RAB2B: variants seen among roughly 807,000 people sequenced by gnomAD.
RAB2B encodes the protein RAB2B, member RAS oncogene family.
RAB2B carries 20 observed loss-of-function variants against 29.8 expected under a neutral mutation model. That is an observed-to-expected ratio of 0.67 (90% CI 0.47 to 0.97). The LOEUF (loss-of-function observed/expected upper bound fraction) is 0.97, where lower values mean the gene tolerates loss of function less well. Among genes scored for constraint, RAB2B ranks in the 50% least tolerant of loss-of-function variants. RAB2B has a pLI of 0.00. For missense variants in RAB2B, 218 were observed against 272.0 expected (o/e 0.80, Z 1.40); for synonymous variants, 93 against 91.7 (o/e 1.01, Z -0.08).
chr14:21,471,706 C>T lies in RAB2B; in HGVS notation c.187-2954G>A, dbSNP rs1487266555. Among the ~76,000 whole-genome samples, 6 of 143,042 alleles carry T rather than the reference C, an allele frequency of 4.2e-5. 1 individual carries two copies. The highest frequency in any genetic ancestry group is 7.5e-5 in the Non-Finnish European group (5 of 66,302). 93.8% of individuals were successfully genotyped at this position (143,042 alleles called of 152,430 possible). On this transcript the variant is annotated intron_variant, in intron 3 of 7. Transcript: ENST00000397762. ...CTTTTTTTTTTTTGAGAGGGAGTCT[C>T]GCTCTGTTGCCCAGGCTGGAGTGCA...
At position 21,460,559 on chromosome 14, in the gene RAB2B, T is replaced by G. The variant is rs186590634; in HGVS notation, c.*637A>C. The G allele has an allele frequency of 2.1e-3, 242 of 117,706 alleles. No individual in the cohort carries two copies. The highest frequency in any genetic ancestry group is 3.2e-3 in the Non-Finnish European group (200 of 62,546). 7.3% of individuals were successfully genotyped at this position (117,706 alleles called of 1,614,324 possible). A position where few individuals can be genotyped will look rare whatever the true frequency, so the allele number is the denominator to read the frequency against. On this transcript the variant is annotated 3_prime_UTR_variant, in exon 8 of 8. Transcript: ENST00000397762. ...AAGATCATGCCACTGCACTCCAGCC[T>G]GGAGACAGAGTGAGACTCCATCCCC...
rs974671318 is a variant in RAB2B, at chr14:21,460,685, C to G, written c.*511G>C. On this transcript the variant is annotated 3_prime_UTR_variant, in exon 8 of 8. Coordinates refer to ENST00000397762, the MANE Select transcript of RAB2B (RefSeq NM_032846.4). Reference sequence around the variant, plus strand: ...CTGCAGTGCAATGGCGTGATCTTGGCTTAGCGTAACCTTCACCTCCTGGGT... The same window carrying G: ...CTGCAGTGCAATGGCGTGATCTTGGGTTAGCGTAACCTTCACCTCCTGGGT... The G allele has an allele frequency of 6.6e-6, 1 of 152,584 alleles. No individual in the cohort carries two copies. The highest frequency in any genetic ancestry group is 1.5e-5 in the Non-Finnish European group (1 of 68,814). 9.5% of individuals were successfully genotyped at this position (152,584 alleles called of 1,614,324 possible). A position where few individuals can be genotyped will look rare whatever the true frequency, so the allele number is the denominator to read the frequency against.
chr14:21,461,366 G>T, intron 7 of RAB2B, 63 bp from the exon 8 acceptor site: 1 of 1,062,098 alleles, frequency 9.4e-7, no homozygotes, highest in South Asian at 1.4e-5. Flanking sequence ...GACAGGAGGG[G>T]GCTATCTCTG....
intron 5 of RAB2B, among the ~76,000 whole-genome samples, chr14:21,465,852 C>T (rs748023547): frequency 1.3e-5 from 2 of 152,078 alleles, no homozygotes; most frequent in Non-Finnish European, 2.9e-5. Flanking sequence ...TTTCAATAAA[C>T]GTGTCAAGCT....
At position 21,460,075 on chromosome 14, in the gene RAB2B, C is replaced by G; in HGVS notation, c.*1121G>C. On this transcript the variant is annotated 3_prime_UTR_variant, in exon 8 of 8. Transcript: ENST00000397762. ...CTAATAATAGGATAGTAGAGAAGTA[C>G]TCAGTGCTCTTGGGCAAGTAGAGGA... 1 of 503,238 alleles carries G rather than the reference C, an allele frequency of 2.0e-6. No individual in the cohort carries two copies. The highest frequency in any genetic ancestry group is 4.0e-6 in the Non-Finnish European group (1 of 252,954). 31.2% of individuals were successfully genotyped at this position (503,238 alleles called of 1,614,324 possible).
rs1349507307 is a variant in RAB2B at position 21,463,742 on chromosome 14, T to C, written c.388A>G (p.Lys130Glu). 6.2e-7 allele frequency: 1 copy of C among 1,613,522 alleles called. No homozygotes were observed. The highest frequency in any genetic ancestry group is 2.2e-5 in the East Asian group (1 of 44,870). Residue 130 changes from lysine (K) to glutamate (E), a missense_variant, in exon 6 of 8, where the codon AAG becomes GAG. By Grantham distance (56) the Lys-to-Glu change is moderately conservative. Transcript: ENST00000397762. ...GCAAAGGCCTCTCCTTCTTCTCTCT[T>C]CACATCCCTGCGGGACTCTAGGTCA... ...KSDLESRRDV[K>E]REEGEAFARE...
At position 21,459,774 on chromosome 14, in the gene RAB2B, G is replaced by A. The variant is rs2139587563; in HGVS notation, c.*1422C>T. On this transcript the variant is annotated 3_prime_UTR_variant, in exon 8 of 8. Transcript: ENST00000397762. Reference sequence around the variant, plus strand: ...GACTTTTAAGTATAATTAGTGGAGAGTAGGGCATGTGCAAAGGTATGGAAC... The same window carrying A: ...GACTTTTAAGTATAATTAGTGGAGAATAGGGCATGTGCAAAGGTATGGAAC... 6.0e-6 allele frequency: 1 copy of A among 166,616 alleles called. No individual in the cohort carries two copies. The highest frequency in any genetic ancestry group is 1.3e-5 in the Non-Finnish European group (1 of 75,722). 10.3% of individuals were successfully genotyped at this position (166,616 alleles called of 1,614,324 possible). A position where few individuals can be genotyped will look rare whatever the true frequency, so the allele number is the denominator to read the frequency against.
At chr14:21,462,202 T>TAAAAAA in intron 7 of RAB2B, 148 bp downstream of exon 7, 1 of 404,352 alleles carries the variant, frequency 2.5e-6, no homozygotes, top group Non-Finnish European at 4.1e-6. Flanking sequence ...TACCTAGATT[T>TAAAAAA]AAAAAAAAAA....
intron 2 of RAB2B, among the ~76,000 whole-genome samples, chr14:21,475,386 T>G (rs1890923234): frequency 6.6e-6 from 1 of 152,092 alleles, no homozygotes; most frequent in Non-Finnish European, 1.5e-5. Context: ...CCAGATGTTT[T>G]TCTTTAAGAA....
intron 4 of RAB2B, 45 bp downstream of exon 4, chr14:21,468,625 G>A: frequency 1.4e-6 from 2 of 1,450,422 alleles, no homozygotes; most frequent in Non-Finnish European, 9.3e-7. Flanking sequence ...AAGCTTTAGA[G>A]GATTTAGGGA....
chr14:21,472,176 C>T (rs537593789), intron 3 of RAB2B, among the ~76,000 whole-genome samples: 86 of 152,110 alleles, frequency 5.7e-4, no homozygotes, highest in Non-Finnish European at 1.0e-3. Context: ...AAGTAAAATA[C>T]AAACCAATTT....
intron 1 of RAB2B, 109 bp from the exon 2 acceptor site, chr14:21,476,708 C>A: frequency 1.3e-6 from 2 of 1,597,228 alleles, no homozygotes; most frequent in Non-Finnish European, 1.7e-6. Context: ...CCCGGCCGCC[C>A]CGAACCGCCC....
intron 5 of RAB2B, among the ~76,000 whole-genome samples, chr14:21,466,182 A>C (rs1417040633): frequency 1.3e-5 from 2 of 152,166 alleles, no homozygotes; most frequent in African/African-American, 2.4e-5. Context: ...ACATTGACTG[A>C]TACACTAAAA....
chr14:21,476,496 T>C (rs778612591), intron 2 of RAB2B, 32 bp downstream of exon 2: 1 of 1,612,758 alleles, frequency 6.2e-7, no homozygotes, highest in Non-Finnish European at 8.5e-7. Flanking sequence ...TCAGGTTTTA[T>C]CATCTGTTCT....
Position 21,460,099 on chromosome 14 carries a change from G to A in RAB2B, c.*1097C>T, listed in dbSNP as rs944658453. The A allele has an allele frequency of 5.8e-6, 3 of 515,250 alleles. No individual in the cohort carries two copies. Among genetic ancestry groups the A allele is most frequent in the African/African-American group, 5.8e-5 (3 of 51,656 alleles). 31.9% of individuals were successfully genotyped at this position (515,250 alleles called of 1,614,324 possible). ...ACTCAGTGCTCTTGGGCAAGTAGAG[G>A]AAACTGCCTTCTACAAGAATTCTTA... On this transcript the variant is annotated 3_prime_UTR_variant, in exon 8 of 8. Transcript: ENST00000397762.
intron 5 of RAB2B, among the ~76,000 whole-genome samples, chr14:21,464,715 G>T (rs1050474538): frequency 2.0e-5 from 3 of 150,384 alleles, no homozygotes; most frequent in African/African-American, 7.3e-5. Flanking sequence ...AGGATAAAAG[G>T]CTGCAGAGCT....
intron 5 of RAB2B, among the ~76,000 whole-genome samples, chr14:21,466,901 GAATGA>G (rs938840067): frequency 6.1e-5 from 9 of 148,012 alleles, no homozygotes; most frequent in Non-Finnish European, 1.2e-4. Flanking sequence ...TGCTATTTAA[GAATGA>G]AATAATTTTT....
chr14:21,476,335 T>G, intron 2 of RAB2B, 193 bp downstream of exon 2: 2 of 602,176 alleles, frequency 3.3e-6, no homozygotes, highest in Non-Finnish European at 5.9e-6. Context: ...TACCTTTCAA[T>G]TATATACTCT....
At chr14:21,464,693 C>A (rs923428118) in intron 5 of RAB2B, among the ~76,000 whole-genome samples, 2 of 151,982 alleles carry the variant, frequency 1.3e-5, no homozygotes. Flanking sequence ...AACAAAAGAC[C>A]TTATGAAAAA....
Sources: gnomAD v4.1 joint callset for allele counts (sites outside exome capture counted in the v4.1 genomes callset) on GRCh38, gnomAD v4.1.1 for gene constraint, MANE v1.5 for transcripts, NCBI Gene and HGNC (gene_info 2026-07-23, HGNC 2026-07-21) for gene names.